RCL1: variants seen among roughly 807,000 people sequenced by gnomAD.
RCL1 encodes the protein RNA terminal phosphate cyclase like 1, also known as RNA 3'-terminal phosphate cyclase-like protein.
In RCL1, 24 loss-of-function variants were observed where a neutral mutation model predicts 42.4. The ratio of observed to expected loss-of-function variants is 0.57; its 90% CI spans 0.41 to 0.80. The LOEUF (loss-of-function observed/expected upper bound fraction) is 0.80. Among genes scored for constraint, RCL1 ranks in the 30% least tolerant of loss-of-function variants. The probability of loss-of-function intolerance (pLI) is 0.00; values close to 1 mark genes in which losing one functional copy is unlikely to be tolerated. For missense variants in RCL1, 578 were observed against 467.9 expected (o/e 1.24, Z -2.17); for synonymous variants, 228 against 177.3 (o/e 1.29, Z -2.27).
rs1291575649 is a variant in RCL1 at position 4,833,163 on chromosome 9, C to G, written c.394C>G (p.Leu132Val). 4.0e-5 allele frequency: 65 copies of G among 1,609,560 alleles called. No individual in the cohort carries two copies. The highest frequency in any genetic ancestry group is 5.4e-5 in the Non-Finnish European group (63 of 1,176,000). Residue 132 changes from leucine to valine, a missense_variant, in exon 4 of 9, where the codon CTT becomes GTT. Physicochemically the swap from Leu to Val is conservative, Grantham distance 32 (BLOSUM62 1). Transcript: ENST00000381750. ...TGAAATAATTTCATAGGTTGATGTT[C>G]TTAAGGCAACAGCACTCCCTTTGTT... ...NDQVDPSVDV[L>V]KATALPLLKQ... is the part of the protein sequence containing the mutation.
chr9:4,827,201 A>C, intron 3 of RCL1, 168 bp downstream of exon 3: 1 of 1,537,462 alleles, frequency 6.5e-7, no homozygotes, highest in East Asian at 2.4e-5. Flanking sequence ...CAGATGAACC[A>C]AAACTTAGGA....
intron 8 of RCL1, among the ~76,000 whole-genome samples, chr9:4,851,104 T>C (rs141238207): frequency 6.6e-6 from 1 of 152,194 alleles, no homozygotes; most frequent in Admixed American, 6.5e-5. Flanking sequence ...GCAGAGATGC[T>C]CAAGATATGA....
At chr9:4,810,467 G>T (rs1816134954) in intron 1 of RCL1, among the ~76,000 whole-genome samples, 1 of 152,054 alleles carries the variant, frequency 6.6e-6, no homozygotes, top group East Asian at 1.9e-4. Flanking sequence ...GGCCTCTTTA[G>T]CTCTGTTGTA....
chr9:4,808,671 G>A (rs1353766129), intron 1 of RCL1, among the ~76,000 whole-genome samples: 1 of 152,154 alleles, frequency 6.6e-6, no homozygotes, highest in African/African-American at 2.4e-5. Flanking sequence ...TTCTTCCATT[G>A]TGTTCATGAG....
intron 1 of RCL1, among the ~76,000 whole-genome samples, chr9:4,818,476 G>C (rs1367938263): frequency 6.6e-6 from 1 of 152,152 alleles, no homozygotes. Flanking sequence ...TTTATTCCAA[G>C]AATTGAGTAT....
rs142351221 is a variant in RCL1, at chr9:4,827,439, G to A, written c.384+406G>A. On this transcript the variant is annotated intron_variant, in intron 3 of 8. Transcript: ENST00000381750. ...CATAGCTCCTTGGCATTGTTACAGC[G>A]TAATCTTGACTTACCCAGGCTTCAA... 1,172 of 423,668 alleles carry A rather than the reference G, an allele frequency of 2.8e-3. 10 individuals are homozygous for A. Among genetic ancestry groups the A allele is most frequent in the African/African-American group, 0.021 (1,049 of 49,594 alleles). The allele number at this position is 423,668 out of a possible 1,614,324, so 26.2% of individuals were successfully genotyped here. A position where few individuals can be genotyped will look rare whatever the true frequency, so the allele number is the denominator to read the frequency against.
chr9:4,850,496 T>TTC lies in RCL1; in HGVS notation c.971+947_971+948insCT, dbSNP rs1202812904. ...TCTTATGGAGGCTTTTTTTTTTCTT[T>TTC]TTTTTTTTTTTTTTGGAATTCGTGG... On this transcript the variant is annotated intron_variant, in intron 8 of 8. Transcript: ENST00000381750. 2.4e-5 allele frequency: 5 copies of TTC among 210,864 alleles called. 1 individual carries two copies. The highest frequency in any genetic ancestry group is 7.0e-5 in the African/African-American group (3 of 42,908). The allele number at this position is 210,864 out of a possible 1,614,324, so 13.1% of individuals were successfully genotyped here.
intron 1 of RCL1, among the ~76,000 whole-genome samples, chr9:4,818,733 A>G (rs549897498): frequency 2.6e-5 from 4 of 152,168 alleles, no homozygotes; most frequent in African/African-American, 4.8e-5. Flanking sequence ...ATAGCTGGAC[A>G]TGGTGGCACG....
chr9:4,812,779 C>T (rs1444858987), intron 1 of RCL1, among the ~76,000 whole-genome samples: 1 of 150,842 alleles, frequency 6.6e-6, no homozygotes, highest in African/African-American at 2.4e-5. Context: ...TTTTAGAGAG[C>T]TTTCACTTCC....
At chr9:4,816,979 GC>G (rs1279094846) in intron 1 of RCL1, among the ~76,000 whole-genome samples, 1 of 152,166 alleles carries the variant, frequency 6.6e-6, no homozygotes, top group Non-Finnish European at 1.5e-5. Flanking sequence ...ACCATGCCCA[GC>G]TAATTTTTTT....
Position 4,834,249 on chromosome 9 carries a change from C to T in RCL1, c.568C>T (p.Arg190Cys), listed in dbSNP as rs1817047452. ...ACTCACAGATCCAGGAAAAATCAAA[C>T]GTATTAGAGGAATGGCGTATCCTTT... The part of the protein sequence containing the change: ...IQLTDPGKIK[R>C]IRGMAYSVRV... The change falls in exon 5 of 9, where the codon CGT (arginine) becomes TGT (cysteine). Residue 190 changes from arginine to cysteine, a missense_variant. Coordinates refer to ENST00000381750, the MANE Select transcript of RCL1 (RefSeq NM_005772.5). The T allele has an allele frequency of 1.2e-6, 2 of 1,612,216 alleles. No homozygotes were observed. The highest frequency in any genetic ancestry group is 2.2e-5 in the East Asian group (1 of 44,808).
At chr9:4,853,908 A>G (rs947591153) in intron 8 of RCL1, among the ~76,000 whole-genome samples, 2 of 152,138 alleles carry the variant, frequency 1.3e-5, no homozygotes, top group Non-Finnish European at 2.9e-5. Context: ...TAGCCCACTC[A>G]GCCTAAAGCT....
intron 8 of RCL1, among the ~76,000 whole-genome samples, chr9:4,851,357 G>A (rs947258556): frequency 6.6e-6 from 1 of 152,178 alleles, no homozygotes; most frequent in African/African-American, 2.4e-5. Flanking sequence ...GCCAGGGTGG[G>A]AAAGGGAAGC....
intron 3 of RCL1, among the ~76,000 whole-genome samples, chr9:4,829,518 A>G (rs528746810): frequency 1.3e-5 from 2 of 152,314 alleles, no homozygotes; most frequent in Admixed American, 1.3e-4. Flanking sequence ...GCCTAACCAT[A>G]TAAGGATTTC....
intron 1 of RCL1, among the ~76,000 whole-genome samples, chr9:4,816,419 T>C (rs1274673829): frequency 6.6e-6 from 1 of 152,206 alleles, no homozygotes; most frequent in Non-Finnish European, 1.5e-5. Flanking sequence ...AAATATAAAC[T>C]CTGTGTTACA....
intron 8 of RCL1, among the ~76,000 whole-genome samples, chr9:4,859,687 C>G (rs1209378864): frequency 6.6e-6 from 1 of 152,136 alleles, no homozygotes; most frequent in Non-Finnish European, 1.5e-5. Context: ...ATTGCCTAAG[C>G]CAGGTACATT....
intron 8 of RCL1, among the ~76,000 whole-genome samples, chr9:4,850,647 T>C (rs1817711866): frequency 6.6e-6 from 1 of 152,244 alleles, no homozygotes; most frequent in Middle Eastern, 3.4e-3. Flanking sequence ...AAGTATTTCG[T>C]AGGACAGGAT....
At chr9:4,828,868 C>T (rs1054171891) in intron 3 of RCL1, among the ~76,000 whole-genome samples, 3 of 152,166 alleles carry the variant, frequency 2.0e-5, no homozygotes, top group African/African-American at 7.2e-5. Context: ...CTGCTTTTGC[C>T]AGCTGCATGA....
chr9:4,849,393 C>A (rs745980289), intron 7 of RCL1, 54 bp from the exon 8 acceptor site: 11 of 1,394,084 alleles, frequency 7.9e-6, no homozygotes, highest in Non-Finnish European at 1.1e-5. Context: ...TTCCTCCTCT[C>A]TTTTGTTGGC....
Sources: allele counts gnomAD v4.1 joint callset (sites outside exome capture counted in the v4.1 genomes callset), GRCh38; gene constraint gnomAD v4.1.1; transcripts MANE v1.5; gene names NCBI Gene and HGNC (gene_info 2026-07-23, HGNC 2026-07-21).